The following BCOR variants were observed in gnomAD, a reference collection of about 807,000 sequenced individuals.
BCOR encodes BCL-6 corepressor.
Under a neutral mutation model 86.7 loss-of-function variants are expected in BCOR, and 10 were observed. The ratio of observed to expected loss-of-function variants is 0.12; its 90% CI spans 0.07 to 0.20. The LOEUF (loss-of-function observed/expected upper bound fraction) is 0.20, where lower values mean the gene tolerates loss of function less well. Ranked by LOEUF, BCOR falls within the 10% of genes least tolerant of loss-of-function variation. The probability of loss-of-function intolerance (pLI) is 1.00; values close to 1 mark genes in which losing one functional copy is unlikely to be tolerated. For missense variants in BCOR, 1,259 were observed against 1,452.1 expected (o/e 0.87, Z 2.16); for synonymous variants, 611 against 609.0 (o/e 1.00, Z -0.05).
At chrX:40,126,768 T>C (rs1458793057) in intron 1 of BCOR, among the ~76,000 whole-genome samples, 1 of 108,193 alleles carries the variant, frequency 9.2e-6, no homozygotes, top group Non-Finnish European at 1.9e-5. Context: ...GATGGGAGGA[T>C]TGCTTGAGCC....
intron 14 of BCOR, among the ~76,000 whole-genome samples, chrX:40,052,690 G>A (rs915585962): frequency 2.8e-5 from 3 of 106,341 alleles, no homozygotes; most frequent in African/African-American, 6.9e-5. Context: ...TCAGCCTCCC[G>A]AGTAGCTGGG....
chrX:40,064,292 A>G (rs781283184), intron 7 of BCOR, 44 bp downstream of exon 7: 2 of 1,210,857 alleles, frequency 1.7e-6, no homozygotes, highest in South Asian at 3.5e-5. Context: ...GGCCGCATGC[A>G]AAGGCCCACC....
chrX:40,113,945 A>G (rs1937354279), intron 1 of BCOR, among the ~76,000 whole-genome samples: 1 of 109,920 alleles, frequency 9.1e-6, no homozygotes, highest in Non-Finnish European at 1.9e-5. Flanking sequence ...TGGTCTCCTG[A>G]GTAGCTGGGA....
At chrX:40,065,669 G>T (rs186306517) in intron 6 of BCOR, among the ~76,000 whole-genome samples, 166 of 112,148 alleles carry the variant, frequency 1.5e-3, no homozygotes, top group Admixed American at 2.6e-3. Flanking sequence ...AATACACAAT[G>T]AATATAAATG....
intron 1 of BCOR, among the ~76,000 whole-genome samples, chrX:40,109,905 C>T (rs1267785791): frequency 8.9e-6 from 1 of 111,906 alleles, no homozygotes; most frequent in Non-Finnish European, 1.9e-5. Flanking sequence ...GCGGTCTGCA[C>T]CCGCCTCTCC....
chrX:40,053,969 A>G lies in BCOR; in HGVS notation c.4893T>C (p.Asp1631=). 1 of 1,211,124 alleles carries G rather than the reference A, an allele frequency of 8.3e-7. No individual in the cohort carries two copies. The highest frequency in any genetic ancestry group is 1.1e-6 in the Non-Finnish European group (1 of 894,952). Residue 1631 remains aspartate, a synonymous_variant, in exon 14 of 15, where the codon GAT becomes GAC. Coordinates refer to ENST00000378444, the MANE Select transcript of BCOR (RefSeq NM_001123385.2). The part of the protein sequence containing the change: ...PGPEDQDDDD[D]AYSDVFEFEF... ...CAAATTCAAACACATCGCTATAGGCATCGTCATCATCATCCTGGTCTTCTG... is the reference window on the plus strand; with the variant it reads ...CAAATTCAAACACATCGCTATAGGCGTCGTCATCATCATCCTGGTCTTCTG...
intron 1 of BCOR, among the ~76,000 whole-genome samples, chrX:40,115,132 G>A (rs1425650055): frequency 3.6e-5 from 4 of 111,633 alleles, no homozygotes; most frequent in Admixed American, 2.9e-4. Flanking sequence ...GATTACAGGC[G>A]TGAGCCACTG....
intron 1 of BCOR, among the ~76,000 whole-genome samples, chrX:40,176,608 C>T (rs965389620): frequency 9.0e-6 from 1 of 111,488 alleles, no homozygotes; most frequent in Non-Finnish European, 1.9e-5. Context: ...AACGATTCCT[C>T]GTCCGGCCCG....
intron 1 of BCOR, among the ~76,000 whole-genome samples, chrX:40,141,177 C>T (rs1009895977): frequency 3.6e-5 from 4 of 112,329 alleles, no homozygotes; most frequent in African/African-American, 9.7e-5. Flanking sequence ...TGGGGGGCGA[C>T]GGGGCCTGAG....
chrX:40,095,002 C>T (rs1415282287), intron 1 of BCOR, among the ~76,000 whole-genome samples: 1 of 112,538 alleles, frequency 8.9e-6, no homozygotes, highest in Admixed American at 9.3e-5. Context: ...GAGCCCCAGC[C>T]GCGACTTGCC....
intron 1 of BCOR, among the ~76,000 whole-genome samples, chrX:40,168,336 A>G (rs970793765): frequency 8.9e-6 from 1 of 112,833 alleles, no homozygotes. Flanking sequence ...GGACGCGGGG[A>G]CAGCCGGGCT....
chrX:40,096,305 G>A (rs1053122775), intron 1 of BCOR, among the ~76,000 whole-genome samples: 1 of 104,393 alleles, frequency 9.6e-6, no homozygotes, highest in Non-Finnish European at 2.0e-5. Context: ...CTCCCTCCAC[G>A]ACGCTGCCCC....
intron 1 of BCOR, among the ~76,000 whole-genome samples, chrX:40,104,512 C>A (rs1030678043): frequency 9.0e-6 from 1 of 111,160 alleles, no homozygotes; most frequent in Non-Finnish European, 1.9e-5. Context: ...CCTGCAAATT[C>A]CCCCCGGCCC....
chrX:40,064,250 C>T (rs1212311668), intron 7 of BCOR, 86 bp downstream of exon 7: 2 of 1,171,759 alleles, frequency 1.7e-6, no homozygotes, highest in South Asian at 3.6e-5. Context: ...GGGCAGCGCG[C>T]CGCACATCCA....
At chrX:40,077,418 G>C (rs947726529) in intron 2 of BCOR, 1 of 162,762 alleles carries the variant, frequency 6.1e-6, no homozygotes, top group Non-Finnish European at 1.2e-5. Context: ...TCTGGGAACA[G>C]GCAGCAGAGG....
intron 1 of BCOR, among the ~76,000 whole-genome samples, chrX:40,107,840 ATTTGT>A (rs1383505137): frequency 3.5e-5 from 4 of 112,954 alleles, no homozygotes; most frequent in Non-Finnish European, 7.5e-5. Context: ...TGCGAGATCT[ATTTGT>A]GTGGTGTCAT....
At chrX:40,096,938 C>G (rs1401882799) in intron 1 of BCOR, among the ~76,000 whole-genome samples, 1 of 112,406 alleles carries the variant, frequency 8.9e-6, no homozygotes, top group African/African-American at 3.2e-5. Flanking sequence ...ACTCCCTGCT[C>G]TCCTCCTGGC....
intron 1 of BCOR, among the ~76,000 whole-genome samples, chrX:40,143,995 T>A (rs1235187828): frequency 8.9e-6 from 1 of 112,058 alleles, no homozygotes; most frequent in Non-Finnish European, 1.9e-5. Context: ...TAATTTTTGG[T>A]CATCAGCCAT....
intron 1 of BCOR, among the ~76,000 whole-genome samples, chrX:40,133,765 T>A (rs1377176835): frequency 9.0e-6 from 1 of 111,436 alleles, no homozygotes; most frequent in Non-Finnish European, 1.9e-5. Context: ...CGGCCTCAAT[T>A]TCAACCTTCT....
Sources: allele counts gnomAD v4.1 joint callset (sites outside exome capture counted in the v4.1 genomes callset), GRCh38; gene constraint gnomAD v4.1.1; transcripts MANE v1.5; gene names NCBI Gene and HGNC (gene_info 2026-07-23, HGNC 2026-07-21).